GRM1: variants seen among roughly 807,000 people sequenced by gnomAD.
GRM1 encodes metabotropic glutamate receptor 1.
GRM1 carries 33 observed loss-of-function variants against 90.9 expected under a neutral mutation model. The ratio of observed to expected loss-of-function variants is 0.36; its 90% CI spans 0.28 to 0.49. The LOEUF is 0.49. Among genes scored for constraint, GRM1 ranks in the 20% least tolerant of loss-of-function variants. GRM1 has a pLI of 0.99. For synonymous variants in GRM1, 700 were observed against 613.2 expected (o/e 1.14, Z -2.09); for missense variants, 1,190 against 1,534.3 (o/e 0.78, Z 3.75).
rs575632550 is a variant in GRM1, at chr6:146,377,564, A to T, written c.1603-9326A>T. 1.3e-4 allele frequency among the ~76,000 whole-genome samples: 20 copies of T among 152,268 alleles called. No individual in the cohort carries two copies. In the East Asian group the frequency reaches 3.5e-3, roughly 27 times the overall value. Reference sequence around the variant, plus strand: ...CAAAGCCTTCAAGAGGTGAAAGAGGATAAAAGTTTGGAAGATTTGCAGCCT... The same window carrying T: ...CAAAGCCTTCAAGAGGTGAAAGAGGTTAAAAGTTTGGAAGATTTGCAGCCT... On this transcript the variant is annotated intron_variant, in intron 5 of 7. Coordinates refer to ENST00000282753, the MANE Select transcript of GRM1 (RefSeq NM_001278064.2).
intron 2 of GRM1, among the ~76,000 whole-genome samples, chr6:146,246,896 A>G (rs1271172192): frequency 6.6e-6 from 1 of 152,210 alleles, no homozygotes. Flanking sequence ...TAGTTTGATG[A>G]AACCAGTTAT....
intron 1 of GRM1, among the ~76,000 whole-genome samples, chr6:146,144,909 C>T (rs1583066721): frequency 6.6e-6 from 1 of 152,080 alleles, no homozygotes; most frequent in East Asian, 1.9e-4. Context: ...TACAGTGAAA[C>T]TGAAGAAAAA....
At chr6:146,269,911 T>A (rs973317707) in intron 2 of GRM1, among the ~76,000 whole-genome samples, 1 of 151,930 alleles carries the variant, frequency 6.6e-6, no homozygotes, top group East Asian at 1.9e-4. Context: ...GGTTGAAGCT[T>A]GTGTGCAATA....
chr6:146,047,751 A>G (rs1791387113), intron 1 of GRM1, among the ~76,000 whole-genome samples: 2 of 151,962 alleles, frequency 1.3e-5, no homozygotes, highest in Non-Finnish European at 2.9e-5. Flanking sequence ...CATGGCATTT[A>G]TCTAGTGGAG....
intron 2 of GRM1, among the ~76,000 whole-genome samples, chr6:146,253,380 C>G (rs568762634): frequency 2.6e-5 from 4 of 151,834 alleles, no homozygotes; most frequent in Non-Finnish European, 4.4e-5. Flanking sequence ...TGAATATGTG[C>G]GTGTTTTGGG....
intron 1 of GRM1, among the ~76,000 whole-genome samples, chr6:146,113,749 G>T (rs1370565695): frequency 1.3e-5 from 2 of 152,140 alleles, no homozygotes; most frequent in African/African-American, 4.8e-5. Context: ...TCAGAGAAAA[G>T]GTTTCATGAA....
intron 1 of GRM1, among the ~76,000 whole-genome samples, chr6:146,093,951 A>AAATATAGT (rs1281470813): frequency 6.6e-6 from 1 of 152,090 alleles, no homozygotes; most frequent in African/African-American, 2.4e-5. Flanking sequence ...AGGCCTCCTA[A>AAATATAGT]AATATAGTAA....
At chr6:146,374,125 G>T (rs1351884541) in intron 5 of GRM1, among the ~76,000 whole-genome samples, 2 of 147,864 alleles carry the variant, frequency 1.4e-5, no homozygotes, top group African/African-American at 5.2e-5. Context: ...TAATCATATG[G>T]TTTTTATCCT....
chr6:146,107,360 GTT>G (rs67390004), intron 1 of GRM1, among the ~76,000 whole-genome samples: 42 of 145,924 alleles, frequency 2.9e-4, no homozygotes, highest in African/African-American at 9.4e-4. Flanking sequence ...TTTCCAGGTA[GTT>G]TTTTTTTTTT....
rs150486399 is a variant in GRM1, at chr6:146,360,001, G to A, written c.1602+2307G>A. On this transcript the variant is annotated intron_variant, in intron 5 of 7. Transcript: ENST00000282753. ...TATGGAAACAAATGAAATTTGAGTC[G>A]TATTTACCAAATAATATTATGCACA... 9.9e-4 allele frequency among the ~76,000 whole-genome samples: 151 copies of A among 152,152 alleles called. 1 individual carries two copies. The highest frequency in any genetic ancestry group is 3.3e-3 in the African/African-American group (136 of 41,482).
chr6:146,211,458 T>C (rs1779685105), intron 2 of GRM1, among the ~76,000 whole-genome samples: 1 of 152,132 alleles, frequency 6.6e-6, no homozygotes, highest in Non-Finnish European at 1.5e-5. Flanking sequence ...GTCTCTTAAA[T>C]GGGGGAAGTT....
At chr6:146,336,531 C>T (rs371805319) in intron 3 of GRM1, among the ~76,000 whole-genome samples, 4 of 152,138 alleles carry the variant, frequency 2.6e-5, no homozygotes, top group Non-Finnish European at 4.4e-5. Flanking sequence ...ATTTCCTGTT[C>T]GCCTGAGAGC....
chr6:146,281,998 A>T (rs117691491), intron 2 of GRM1, among the ~76,000 whole-genome samples: 1 of 152,180 alleles, frequency 6.6e-6, no homozygotes, highest in Non-Finnish European at 1.5e-5. Context: ...GCAGTCAATA[A>T]TTCTAAATCC....
chr6:146,161,446 T>C (rs1777722462), intron 2 of GRM1, among the ~76,000 whole-genome samples: 1 of 152,196 alleles, frequency 6.6e-6, no homozygotes, highest in Non-Finnish European at 1.5e-5. Flanking sequence ...AATAATGCAA[T>C]TGAACTCATA....
chr6:146,328,575 CTT>C (rs1380547068), intron 3 of GRM1, among the ~76,000 whole-genome samples: 4 of 152,186 alleles, frequency 2.6e-5, no homozygotes, highest in Admixed American at 2.6e-4. Context: ...TAACTATACT[CTT>C]TACCTCTTTA....
At chr6:146,240,388 C>T (rs375072678) in intron 2 of GRM1, among the ~76,000 whole-genome samples, 1 of 151,598 alleles carries the variant, frequency 6.6e-6, no homozygotes, top group African/African-American at 2.4e-5. Context: ...AACTGTGAGG[C>T]AAGGCAGGGT....
intron 1 of GRM1, among the ~76,000 whole-genome samples, chr6:146,043,090 T>C (rs926095355): frequency 7.2e-5 from 11 of 151,826 alleles, no homozygotes; most frequent in African/African-American, 2.7e-4. Context: ...GGCTAGGAAT[T>C]TGAGGCCAGC....
chr6:146,136,487 T>A (rs772114035), intron 1 of GRM1, among the ~76,000 whole-genome samples: 1 of 152,330 alleles, frequency 6.6e-6, no homozygotes, highest in Non-Finnish European at 1.5e-5. Context: ...TGGGGTGAGA[T>A]CTCTTTGTAG....
At chr6:146,425,283 T>C (rs940491317) in intron 7 of GRM1, among the ~76,000 whole-genome samples, 2 of 152,234 alleles carry the variant, frequency 1.3e-5, no homozygotes, top group Non-Finnish European at 2.9e-5. Flanking sequence ...AGTGAACATC[T>C]GTTCCAGAGT....
Sources: allele counts gnomAD v4.1 joint callset (sites outside exome capture counted in the v4.1 genomes callset), GRCh38; gene constraint gnomAD v4.1.1; transcripts MANE v1.5; gene names NCBI Gene and HGNC (gene_info 2026-07-23, HGNC 2026-07-21).